DIAPH2: variants seen among roughly 807,000 people sequenced by gnomAD.
DIAPH2 encodes the protein protein diaphanous homolog 2.
A neutral mutation model predicts 92.7 loss-of-function variants in DIAPH2; 35 were observed. The observed-to-expected ratio is 0.38, with a 90% confidence interval of 0.29 to 0.50. The LOEUF is 0.50. DIAPH2 is among the 20% of genes least tolerant of loss of function. DIAPH2 has a pLI of 0.94. For missense variants in DIAPH2, 701 were observed against 819.5 expected, an observed-to-expected ratio of 0.86 and a Z score of 1.77; for synonymous variants, 301 against 280.4, an observed-to-expected ratio of 1.07 and a Z score of -0.73.
At chrX:96,878,828 A>G (rs780325929) in intron 4 of DIAPH2, among the ~76,000 whole-genome samples, 1 of 112,423 alleles carries the variant, frequency 8.9e-6, no homozygotes, top group East Asian at 2.8e-4. Context: ...TGTCCTCAGC[A>G]TACCATACAG....
chrX:97,285,622 G>C (rs1400930682), intron 23 of DIAPH2, among the ~76,000 whole-genome samples: 1 of 109,669 alleles, frequency 9.1e-6, no homozygotes. Context: ...TTGAAACGGA[G>C]TCTCACTCTG....
intron 1 of DIAPH2, chrX:96,701,480 G>A (rs1378726819): frequency 9.0e-6 from 1 of 110,668 alleles, no homozygotes; most frequent in African/African-American, 3.3e-5. Flanking sequence ...GAACAGCTTT[G>A]TAAGATTAAA....
chrX:97,394,905 G>A (rs766637358), intron 25 of DIAPH2, among the ~76,000 whole-genome samples: 2 of 111,328 alleles, frequency 1.8e-5, no homozygotes, highest in Non-Finnish European at 3.8e-5. Flanking sequence ...TGCCTTTGGA[G>A]CCAGACAAAA....
At chrX:97,220,990 T>C (rs898497352) in intron 22 of DIAPH2, among the ~76,000 whole-genome samples, 9 of 111,856 alleles carry the variant, frequency 8.0e-5, no homozygotes, top group Non-Finnish European at 1.5e-4. Context: ...TACCATCTAT[T>C]TGTGTAACAG....
chrX:97,265,016 C>T (rs909143672), intron 23 of DIAPH2, among the ~76,000 whole-genome samples: 1 of 111,656 alleles, frequency 9.0e-6, no homozygotes, highest in African/African-American at 3.3e-5. Context: ...ACTTTATTCT[C>T]TGTTGTCAGT....
chrX:97,476,412 G>A (rs1033794138), intron 26 of DIAPH2, among the ~76,000 whole-genome samples: 10 of 111,770 alleles, frequency 8.9e-5, no homozygotes, highest in African/African-American at 3.3e-4. Context: ...GTAGAGGCAC[G>A]CTAAAGGTCC....
chrX:97,457,665 A>G (rs2070419819), intron 26 of DIAPH2, among the ~76,000 whole-genome samples: 1 of 111,559 alleles, frequency 9.0e-6, no homozygotes, highest in Non-Finnish European at 1.9e-5. Flanking sequence ...GGGCCTCTCT[A>G]TAGAGCTTCT....
intron 4 of DIAPH2, among the ~76,000 whole-genome samples, chrX:96,829,464 A>G (rs2064836752): frequency 9.6e-6 from 1 of 104,097 alleles, no homozygotes; most frequent in East Asian, 3.0e-4. Flanking sequence ...TATATATAAA[A>G]CAAGGCAAAT....
At chrX:97,250,092 C>T (rs1333107086) in intron 23 of DIAPH2, among the ~76,000 whole-genome samples, 1 of 110,204 alleles carries the variant, frequency 9.1e-6, no homozygotes, top group Admixed American at 9.7e-5. Flanking sequence ...AGCGAAACTC[C>T]GTCTCAAAAA....
intron 22 of DIAPH2, among the ~76,000 whole-genome samples, chrX:97,147,574 C>T (rs2067256295): frequency 9.1e-6 from 1 of 110,342 alleles, no homozygotes; most frequent in Admixed American, 9.7e-5. Flanking sequence ...AGGTTTTAAA[C>T]CAAATGGTTA....
intron 9 of DIAPH2, among the ~76,000 whole-genome samples, chrX:96,926,795 A>C (rs1395637807): frequency 1.8e-5 from 2 of 111,224 alleles, no homozygotes; most frequent in African/African-American, 6.5e-5. Context: ...AAATATAGAA[A>C]CCAATTGTAT....
At chrX:96,819,812 A>G (rs1194658232) in intron 4 of DIAPH2, among the ~76,000 whole-genome samples, 2 of 112,046 alleles carry the variant, frequency 1.8e-5, no homozygotes, top group Non-Finnish European at 3.8e-5. Flanking sequence ...TTCAGTAAAT[A>G]TTTGTTGAAT....
intron 24 of DIAPH2, among the ~76,000 whole-genome samples, chrX:97,355,961 G>C (rs765125924): frequency 1.3e-4 from 15 of 111,987 alleles, no homozygotes; most frequent in African/African-American, 4.8e-4. Context: ...TGTAGCTTCA[G>C]CTCCATTCTG....
At chrX:97,229,983 G>GA (rs1341356294) in intron 22 of DIAPH2, among the ~76,000 whole-genome samples, 3 of 108,334 alleles carry the variant, frequency 2.8e-5, no homozygotes, top group East Asian at 5.7e-4. Context: ...GGTTTATAGA[G>GA]AAAAAAACGC....
At chrX:96,785,433 G>A (rs1302352682) in intron 4 of DIAPH2, among the ~76,000 whole-genome samples, 3 of 106,170 alleles carry the variant, frequency 2.8e-5, no homozygotes, top group African/African-American at 1.0e-4. Context: ...TCAACATGGT[G>A]AAAGGTGGAA....
intron 22 of DIAPH2, among the ~76,000 whole-genome samples, chrX:97,178,540 C>T (rs1322747555): frequency 2.0e-5 from 2 of 101,978 alleles, no homozygotes; most frequent in Non-Finnish European, 4.0e-5. Flanking sequence ...GCAAGCTCCA[C>T]CTCCCGAGTT....
At chrX:97,134,547 A>T (rs761917342) in intron 21 of DIAPH2, among the ~76,000 whole-genome samples, 2 of 110,801 alleles carry the variant, frequency 1.8e-5, no homozygotes, top group Non-Finnish European at 3.8e-5. Context: ...TTCAAACTCA[A>T]ATTGCTGGAC....
rs1236896501 is a variant in DIAPH2 at position 97,323,912 on chromosome X, A to G, written c.2845-24204A>G. ...GAGCGAAACTCTGTCTCAAAAAAAA[A>G]AAAAAAAAAAAAATAAGTAAGCTCA... On this transcript the variant is annotated intron_variant, in intron 23 of 26. Transcript: ENST00000324765. 1.3e-4 allele frequency among the ~76,000 whole-genome samples: 14 copies of G among 109,391 alleles called. No homozygotes were observed. In the East Asian group the frequency reaches 3.7e-3, roughly 29 times the overall value. The allele number at this position is 109,391 out of a possible 115,157, so 95.0% of individuals were successfully genotyped here.
At chrX:96,764,252 C>T (rs1282194603) in intron 4 of DIAPH2, among the ~76,000 whole-genome samples, 1 of 110,840 alleles carries the variant, frequency 9.0e-6, no homozygotes, top group Non-Finnish European at 1.9e-5. Flanking sequence ...TAAATTTCTG[C>T]ACTTAAATTG....
Sources: allele counts gnomAD v4.1 joint callset (sites outside exome capture counted in the v4.1 genomes callset), GRCh38; gene constraint gnomAD v4.1.1; transcripts MANE v1.5; gene names NCBI Gene and HGNC (gene_info 2026-07-23, HGNC 2026-07-21).